APOB: variants seen among roughly 807,000 people sequenced by gnomAD.
APOB encodes apolipoprotein B, also known as apolipoprotein B-100.
A neutral mutation model predicts 314.1 loss-of-function variants in APOB; 153 were observed. That is an observed-to-expected ratio of 0.49 (90% CI 0.43 to 0.56). The LOEUF is 0.56. Among genes scored for constraint, APOB ranks in the 20% least tolerant of loss-of-function variants. The pLI is 0.00. For synonymous variants in APOB, 2,087 were observed against 2,036.4 expected, an observed-to-expected ratio of 1.02 and a Z score of -0.67; for missense variants, 5,430 against 5,350.7, an observed-to-expected ratio of 1.01 and a Z score of -0.46.
Position 21,042,341 on chromosome 2 carries a change from C to T in APOB, c.237+20G>A, listed in dbSNP as rs892700734. 6.3e-7 allele frequency: 1 copy of T among 1,595,096 alleles called. No homozygotes were observed. Among genetic ancestry groups the T allele is most frequent in the African/African-American group, 1.3e-5 (1 of 74,598 alleles). ...GGAAAGCTGTGGGCTCTAGGTCCCT[C>T]CTGCCTGCATCCTCCATACCTTGCA... is the stretch of plus-strand genomic sequence containing the variant. On this transcript the variant is annotated intron_variant, in intron 3 of 28. Transcript: ENST00000233242.
At chr2:21,040,709 G>A (rs1487937760) in intron 4 of APOB, among the ~76,000 whole-genome samples, 1 of 152,182 alleles carries the variant, frequency 6.6e-6, no homozygotes, top group Admixed American at 6.5e-5. Flanking sequence ...GAAGTTTAAA[G>A]CATGAGATTT....
intron 12 of APOB, 28 bp downstream of exon 12, chr2:21,029,611 C>T (rs189298482): frequency 6.2e-5 from 100 of 1,613,702 alleles, no homozygotes; most frequent in Admixed American, 4.8e-4. Context: ...TAAACTTTCA[C>T]TTTCAGACCT....
At position 21,028,350 on chromosome 2, in the gene APOB, G is replaced by A; in HGVS notation, c.1806C>T (p.Asn602=). The A allele has an allele frequency of 6.2e-7, 1 of 1,613,860 alleles. No homozygotes were observed. Among genetic ancestry groups the A allele is most frequent in the South Asian group, 1.1e-5 (1 of 91,088 alleles). The part of the protein sequence containing the change: ...FVASHIANIL[N]SEELDIQDLK... The stretch of plus-strand genomic sequence containing the variant: ...ACTCTTGGATATCCAATTCTTCTGA[G>A]TTCAAGATATTGGCAATATGGGAAG... The change falls in exon 13 of 29, where the codon AAC becomes AAT. Residue 602 remains asparagine, a synonymous_variant. Coordinates refer to ENST00000233242, the MANE Select transcript of APOB (RefSeq NM_000384.3).
chr2:21,029,622 CT>C lies in APOB; in HGVS notation c.1617+16del. On this transcript the variant is annotated intron_variant, in intron 12 of 28. Coordinates refer to ENST00000233242, the MANE Select transcript of APOB (RefSeq NM_000384.3). Reference sequence around the variant, plus strand: ...TTAATAAACTTTCACTTTCAGACCTCTTCTTGTGGACTTTACCTTGTCTTTA... The same window carrying C: ...TTAATAAACTTTCACTTTCAGACCTCTCTTGTGGACTTTACCTTGTCTTTA... The C allele has an allele frequency of 6.2e-7, 1 of 1,614,092 alleles. No homozygotes were observed. Among genetic ancestry groups the C allele is most frequent in the Non-Finnish European group, 8.5e-7 (1 of 1,179,996 alleles).
rs142557833 is a variant in APOB at position 21,024,089 on chromosome 2, G to A, written c.2437-397C>T. On this transcript the variant is annotated intron_variant, in intron 16 of 28. Coordinates refer to ENST00000233242, the MANE Select transcript of APOB (RefSeq NM_000384.3). ...TAAAATCAATTTTTTGAAACCAAAG[G>A]CCTATTGAGATGATGTACATATCAA... is the stretch of plus-strand genomic sequence containing the variant. 3.3e-3 allele frequency: 519 copies of A among 159,124 alleles called. 1 individual carries two copies. The highest frequency in any genetic ancestry group is 0.012 in the African/African-American group (494 of 41,632). 9.9% of individuals were successfully genotyped at this position (159,124 alleles called of 1,614,324 possible). A position where few individuals can be genotyped will look rare whatever the true frequency, so the allele number is the denominator to read the frequency against.
Position 21,011,206 on chromosome 2 carries a change from C to T in APOB, c.5662G>A (p.Asp1888Asn). The change falls in exon 26 of 29, where the codon GAC (aspartate) becomes AAC (asparagine). Residue 1888 changes from aspartate to asparagine, a missense_variant. Around this residue, in one of 3 missense-constraint regions of APOB, gnomAD observed 3,281 missense variants for 3,171.0 expected, o/e 1.03. Transcript: ENST00000233242. ...AIDMSTNYNS[D>N]SLHFSNVFRS... ...AAGACATTGCTGAAATGCAGTGAGT[C>T]TGAATTATAGTTTGTGCTCATGTCA... The T allele has an allele frequency of 1.2e-6, 2 of 1,614,174 alleles. No individual in the cohort carries two copies. The highest frequency in any genetic ancestry group is 4.5e-5 in the East Asian group (2 of 44,882).
intron 13 of APOB, 117 bp from the exon 14 acceptor site, chr2:21,028,182 C>G: frequency 8.7e-7 from 1 of 1,150,098 alleles, no homozygotes; most frequent in Non-Finnish European, 1.3e-6. Context: ...TTCATTGACC[C>G]TAAGTCTTTG....
Position 21,012,709 on chromosome 2 carries a change from T to C in APOB, c.4217-58A>G, listed in dbSNP as rs1487044797. The C allele has an allele frequency of 7.6e-6, 12 of 1,570,670 alleles. No homozygotes were observed. In the African/African-American group the frequency reaches 1.4e-4, roughly 18 times the overall value. The stretch of plus-strand genomic sequence containing the variant: ...TAAGCAGTACATTTCCAGAGCAATC[T>C]CTATGTTGAAAGTCTTTCAATAATA... On this transcript the variant is annotated intron_variant, in intron 25 of 28. Coordinates refer to ENST00000233242, the MANE Select transcript of APOB (RefSeq NM_000384.3).
intron 16 of APOB, chr2:21,023,973 G>A: frequency 3.5e-6 from 1 of 282,730 alleles, no homozygotes; most frequent in Non-Finnish European, 6.6e-6. Flanking sequence ...GAGCTTTATG[G>A]ACTTTAAGTA....
Position 21,005,407 on chromosome 2 carries a change from T to A in APOB, c.11461A>T (p.Thr3821Ser). The change falls in exon 26 of 29, where the codon ACT becomes TCT. Residue 3821 changes from threonine (T) to serine (S), a missense_variant. By Grantham distance (58) the Thr-to-Ser change is moderately conservative (BLOSUM62 1). Around this residue, in one of 3 missense-constraint regions of APOB, gnomAD observed 3,281 missense variants for 3,171.0 expected, o/e 1.03. Transcript: ENST00000233242. ...TTTGGAAGCGTGAACTGGGACACAG[T>A]TAACTGAGATTCAGGCACGGTTATC... Reference protein sequence around the residue: ...FEITVPESQLTVSQFTLPKSV... With the variant: ...FEITVPESQLSVSQFTLPKSV... The A allele has an allele frequency of 6.2e-7, 1 of 1,614,078 alleles. No individual in the cohort carries two copies. The highest frequency in any genetic ancestry group is 1.1e-5 in the South Asian group (1 of 91,076).
rs751953881 is a variant in APOB at position 21,010,803 on chromosome 2, G to A, written c.6065C>T (p.Ser2022Phe). The change falls in exon 26 of 29, where the codon TCC becomes TTC. Residue 2022 changes from serine to phenylalanine, a missense_variant. Coordinates refer to ENST00000233242, the MANE Select transcript of APOB (RefSeq NM_000384.3). Reference sequence around the variant, plus strand: ...GAGTAAAAGTGGCACTTTAATTGGGGAGTCTAGTAGAGTTAGGTCAGCCAG... The same window carrying A: ...GAGTAAAAGTGGCACTTTAATTGGGAAGTCTAGTAGAGTTAGGTCAGCCAG... Reference protein sequence around the residue: ...RTLADLTLLDSPIKVPLLLSE... With the variant: ...RTLADLTLLDFPIKVPLLLSE... 6.2e-7 allele frequency: 1 copy of A among 1,614,014 alleles called. No individual in the cohort carries two copies. Among genetic ancestry groups the A allele is most frequent in the East Asian group, 2.2e-5 (1 of 44,892 alleles).
At chr2:21,012,699 C>A (rs1188846310) in intron 25 of APOB, 48 bp from the exon 26 acceptor site, 4 of 1,585,510 alleles carry the variant, frequency 2.5e-6, no homozygotes, top group Non-Finnish European at 1.7e-6. Flanking sequence ...AGTACATTTC[C>A]AGAGCAATCT....
At position 21,019,914 on chromosome 2, in the gene APOB, G is replaced by A; in HGVS notation, c.2817-9C>T. On this transcript the variant is annotated splice_polypyrimidine_tract_variant and intron_variant, in intron 18 of 28. Transcript: ENST00000233242. ...CCAAATGTAATGTGTTGCTGGTGAA[G>A]AACAAAAATACCTGAGTTATTGCCA... 6.2e-7 allele frequency: 1 copy of A among 1,613,906 alleles called. No individual in the cohort carries two copies. The highest frequency in any genetic ancestry group is 1.1e-5 in the South Asian group (1 of 91,050).
Position 21,037,841 on chromosome 2 carries a change from C to G in APOB, c.537+117G>C, listed in dbSNP as rs866385844. The G allele has an allele frequency of 2.5e-5, 33 of 1,323,908 alleles. 1 individual carries two copies. In the Middle Eastern group the frequency reaches 7.2e-4, roughly 29 times the overall value. The allele number at this position is 1,323,908 out of a possible 1,614,324, so 82.0% of individuals were successfully genotyped here. ...AGTATTTCACGCCAATCCAGGGCTT[C>G]CTATGTAACTAGTCATGGAGCTGAC... On this transcript the variant is annotated intron_variant, in intron 5 of 28. Coordinates refer to ENST00000233242, the MANE Select transcript of APOB (RefSeq NM_000384.3).
chr2:21,028,598 G>C (rs918497529), intron 12 of APOB, 60 bp from the exon 13 acceptor site: 2 of 1,110,250 alleles, frequency 1.8e-6, no homozygotes, highest in East Asian at 4.7e-5. Context: ...GAACATGCCT[G>C]GCAAACACTG....
In APOB at chr2:21,015,550, G is replaced by A; in HGVS notation, c.3333-5C>T. 3 of 1,611,418 alleles carry A rather than the reference G, an allele frequency of 1.9e-6. No individual in the cohort carries two copies. Among genetic ancestry groups the A allele is most frequent in the Non-Finnish European group, 2.5e-6 (3 of 1,179,922 alleles). ...CTTTCTTCCTTTGTGTCACAACTATGGTAAAGAAAATCAGTTGGCACCAAT... is the reference window on the plus strand; with the variant it reads ...CTTTCTTCCTTTGTGTCACAACTATAGTAAAGAAAATCAGTTGGCACCAAT... On this transcript the variant is annotated splice_region_variant and splice_polypyrimidine_tract_variant and intron_variant, in intron 21 of 28. Coordinates refer to ENST00000233242, the MANE Select transcript of APOB (RefSeq NM_000384.3).
At chr2:21,020,940 T>C (rs1663591298) in intron 18 of APOB, among the ~76,000 whole-genome samples, 1 of 152,206 alleles carries the variant, frequency 6.6e-6, no homozygotes, top group South Asian at 2.1e-4. Context: ...TTCCTTTATA[T>C]GTTTGTCTTC....
Position 21,012,662 on chromosome 2 carries a change from A to C in APOB, c.4217-11T>G. Reference sequence around the variant, plus strand: ...TTGTTTCTCCAGATCCTAACATAAAAATGAAAAGACATTGGTTAAATTAAG... The same window carrying C: ...TTGTTTCTCCAGATCCTAACATAAACATGAAAAGACATTGGTTAAATTAAG... On this transcript the variant is annotated splice_polypyrimidine_tract_variant and intron_variant, in intron 25 of 28. Transcript: ENST00000233242. 4.4e-6 allele frequency: 7 copies of C among 1,608,986 alleles called. No individual in the cohort carries two copies. Among genetic ancestry groups the C allele is most frequent in the Non-Finnish European group, 5.1e-6 (6 of 1,179,282 alleles).
At position 21,014,928 on chromosome 2, in the gene APOB, A is replaced by AC. The variant is rs1234097185; in HGVS notation, c.3696+144_3696+145insG. The AC allele has an allele frequency of 1.4e-4, 120 of 876,862 alleles. No individual in the cohort carries two copies. In the African/African-American group the frequency reaches 1.9e-3, roughly 14 times the overall value. The allele number at this position is 876,862 out of a possible 1,614,324, so 54.3% of individuals were successfully genotyped here. A position where few individuals can be genotyped will look rare whatever the true frequency, so the allele number is the denominator to read the frequency against. Reference sequence around the variant, plus strand: ...AACTGGGTAACTACACACTTGTGAAAGTTTTTTTTTCTCCCCAAGAATTCC... The same window carrying AC: ...AACTGGGTAACTACACACTTGTGAAACGTTTTTTTTTCTCCCCAAGAATTCC... On this transcript the variant is annotated intron_variant, in intron 23 of 28. Coordinates refer to ENST00000233242, the MANE Select transcript of APOB (RefSeq NM_000384.3).
Sources: allele counts gnomAD v4.1 joint callset (sites outside exome capture counted in the v4.1 genomes callset), GRCh38; gene constraint gnomAD v4.1.1; regional missense constraint gnomAD v4.1.1; transcripts MANE v1.5; gene names NCBI Gene and HGNC (gene_info 2026-07-23, HGNC 2026-07-21).